Variants in GALNT11 observed in about 807,000 individuals in gnomAD.
GALNT11 encodes UDP-GalNAc:polypeptide N-acetylgalactosaminyltransferase 11.
A neutral mutation model predicts 72.7 loss-of-function variants in GALNT11; 47 were observed. The observed-to-expected ratio is 0.65, with a 90% CI of 0.51 to 0.82. The LOEUF (loss-of-function observed/expected upper bound fraction) is 0.82, where lower values mean the gene tolerates loss of function less well. Among genes scored for constraint, GALNT11 ranks in the 40% least tolerant of loss-of-function variants. GALNT11 has a pLI of 0.00. For synonymous variants in GALNT11, 270 were observed against 286.6 expected, an observed-to-expected ratio of 0.94 and a Z score of 0.58; for missense variants, 677 against 778.4, an observed-to-expected ratio of 0.87 and a Z score of 1.55.
chr7:152,106,016 A>T (rs2087510383), intron 5 of GALNT11, among the ~76,000 whole-genome samples: 1 of 152,016 alleles, frequency 6.6e-6, no homozygotes, highest in Non-Finnish European at 1.5e-5. Flanking sequence ...GTTAGTCTTC[A>T]GTTACGTTAT....
At chr7:152,050,216 G>A (rs992696876) in intron 1 of GALNT11, among the ~76,000 whole-genome samples, 2 of 152,052 alleles carry the variant, frequency 1.3e-5, no homozygotes, top group African/African-American at 2.4e-5. Context: ...AGTGTGCTGG[G>A]TCACACCTGA....
chr7:152,065,644 A>T (rs989032587), intron 1 of GALNT11, among the ~76,000 whole-genome samples: 1 of 152,104 alleles, frequency 6.6e-6, no homozygotes, highest in Middle Eastern at 3.2e-3. Context: ...TCTGTTTGTT[A>T]GTTTTCCTTC....
chr7:152,064,821 C>T (rs563282430), intron 1 of GALNT11, among the ~76,000 whole-genome samples: 3 of 152,190 alleles, frequency 2.0e-5, no homozygotes, highest in African/African-American at 7.2e-5. Context: ...CTGAGAGATC[C>T]GCTGTTAGTC....
chr7:152,121,467 T>TA, intron 11 of GALNT11, 79 bp from the exon 12 acceptor site: 1 of 1,532,164 alleles, frequency 6.5e-7, no homozygotes, highest in Non-Finnish European at 8.8e-7. Flanking sequence ...TCTGAATTCT[T>TA]AAGTGCTCCA....
At chr7:152,079,587 G>T (rs2085197548) in intron 1 of GALNT11, among the ~76,000 whole-genome samples, 1 of 152,156 alleles carries the variant, frequency 6.6e-6, no homozygotes, top group Non-Finnish European at 1.5e-5. Context: ...TAAATATCAG[G>T]GATGTCTGAG....
At chr7:152,060,914 A>C (rs558486688) in intron 1 of GALNT11, among the ~76,000 whole-genome samples, 2 of 152,318 alleles carry the variant, frequency 1.3e-5, no homozygotes, top group South Asian at 4.1e-4. Flanking sequence ...TGCTATTGTG[A>C]ATAGTGACAC....
At chr7:152,061,441 G>A (rs2084011078) in intron 1 of GALNT11, among the ~76,000 whole-genome samples, 1 of 152,088 alleles carries the variant, frequency 6.6e-6, no homozygotes, top group African/African-American at 2.4e-5. Context: ...TCACTCTGAT[G>A]GTAGTTTCTT....
At chr7:152,111,799 T>TC (rs1301616051) in intron 7 of GALNT11, among the ~76,000 whole-genome samples, 1 of 152,194 alleles carries the variant, frequency 6.6e-6, no homozygotes, top group African/African-American at 2.4e-5. Flanking sequence ...TGACCAGATT[T>TC]CCCTGAGGCC....
intron 6 of GALNT11, among the ~76,000 whole-genome samples, chr7:152,109,039 G>T (rs933028080): frequency 2.0e-5 from 3 of 152,076 alleles, no homozygotes; most frequent in Admixed American, 2.0e-4. Context: ...CAACAATATT[G>T]TATATTGTTA....
chr7:152,035,467 A>G (rs972349026), intron 1 of GALNT11, among the ~76,000 whole-genome samples: 9 of 152,194 alleles, frequency 5.9e-5, no homozygotes, highest in Non-Finnish European at 1.2e-4. Flanking sequence ...CGCTTGGGCA[A>G]CATGACTTCG....
intron 1 of GALNT11, among the ~76,000 whole-genome samples, chr7:152,042,446 T>G (rs2082909125): frequency 6.6e-6 from 1 of 152,230 alleles, no homozygotes; most frequent in Admixed American, 6.5e-5. Context: ...GTTGAGTAAT[T>G]AAGTCTTCTA....
intron 10 of GALNT11, 96 bp downstream of exon 10, chr7:152,118,878 C>T (rs914655078): frequency 7.6e-6 from 7 of 925,712 alleles, no homozygotes; most frequent in Non-Finnish European, 1.1e-5. Context: ...TCAGTGTCTA[C>T]TATTCTGGCT....
At chr7:152,081,012 C>T (rs2085294856) in intron 1 of GALNT11, among the ~76,000 whole-genome samples, 1 of 152,064 alleles carries the variant, frequency 6.6e-6, no homozygotes, top group Admixed American at 6.6e-5. Context: ...CATTAATTGC[C>T]AGCACCCTGA....
chr7:152,060,886 G>C (rs572939103), intron 1 of GALNT11, among the ~76,000 whole-genome samples: 6 of 152,258 alleles, frequency 3.9e-5, no homozygotes, highest in African/African-American at 1.4e-4. Flanking sequence ...ATGGACATTT[G>C]GGTTGGTTCC....
chr7:152,040,296 G>A (rs1223456948), intron 1 of GALNT11, among the ~76,000 whole-genome samples: 2 of 151,958 alleles, frequency 1.3e-5, no homozygotes, highest in South Asian at 4.1e-4. Flanking sequence ...TCTCCCAAAC[G>A]AGGGAACATG....
intron 1 of GALNT11, among the ~76,000 whole-genome samples, chr7:152,058,511 T>C (rs2083820598): frequency 6.6e-6 from 1 of 152,058 alleles, no homozygotes; most frequent in Admixed American, 6.6e-5. Flanking sequence ...TTTTTTTGTA[T>C]TTTTAGTAGA....
Position 152,108,359 on chromosome 7 carries a change from TA to T in GALNT11, c.962+74del, listed in dbSNP as rs1378033312. On this transcript the variant is annotated intron_variant, in intron 6 of 11. Coordinates refer to ENST00000430044, the MANE Select transcript of GALNT11 (RefSeq NM_022087.4). ...AAAGAGAACAAAATGATATTAAAGA[TA>T]ATTCCTCCTTCTTTGTAAGGAGCAA... is the stretch of plus-strand genomic sequence containing the variant. The T allele has an allele frequency of 3.3e-6, 5 of 1,527,446 alleles. No individual in the cohort carries two copies. In the African/African-American group the frequency reaches 6.9e-5, roughly 21 times the overall value. The allele number at this position is 1,527,446 out of a possible 1,614,324, so 94.6% of individuals were successfully genotyped here. A position where few individuals can be genotyped will look rare whatever the true frequency, so the allele number is the denominator to read the frequency against.
At chr7:152,103,020 G>T in intron 3 of GALNT11, 92 bp from the exon 4 acceptor site, 8 of 1,165,842 alleles carry the variant, frequency 6.9e-6, no homozygotes, top group Non-Finnish European at 9.6e-6. Flanking sequence ...GGAAGAGGGT[G>T]AACAAGGGGA....
intron 1 of GALNT11, among the ~76,000 whole-genome samples, chr7:152,035,282 T>C (rs546644196): frequency 1.3e-5 from 2 of 152,300 alleles, no homozygotes; most frequent in African/African-American, 4.8e-5. Context: ...AACAGAGTCC[T>C]GGAGTTTATA....
Sources: allele counts gnomAD v4.1 joint callset (sites outside exome capture counted in the v4.1 genomes callset), GRCh38; gene constraint gnomAD v4.1.1; transcripts MANE v1.5; gene names NCBI Gene and HGNC (gene_info 2026-07-23, HGNC 2026-07-21).